IL6ST: variants seen among roughly 807,000 people sequenced by gnomAD.
IL6ST encodes the protein interleukin-6 receptor subunit beta.
Under a neutral mutation model 91.3 loss-of-function variants are expected in IL6ST, and 24 were observed. That is an observed-to-expected ratio of 0.26 (90% CI 0.19 to 0.37). The LOEUF (loss-of-function observed/expected upper bound fraction) is 0.37, where lower values mean the gene tolerates loss of function less well. Ranked by LOEUF, IL6ST falls within the 10% of genes least tolerant of loss-of-function variation. The pLI, the probability that IL6ST is intolerant of heterozygous loss-of-function variation, is 1.00. For synonymous variants in IL6ST, 351 were observed against 373.6 expected (o/e 0.94, Z 0.70); for missense variants, 914 against 1,078.5 (o/e 0.85, Z 2.14).
intron 15 of IL6ST, among the ~76,000 whole-genome samples, chr5:55,947,036 C>A (rs1751307454): frequency 6.6e-6 from 1 of 151,928 alleles, no homozygotes; most frequent in Non-Finnish European, 1.5e-5. Context: ...TACCCCATCT[C>A]TACTAAAAAT....
chr5:55,994,419 C>A (rs1382746375), intron 1 of IL6ST, among the ~76,000 whole-genome samples: 2 of 151,872 alleles, frequency 1.3e-5, no homozygotes, highest in South Asian at 2.1e-4. Context: ...AAGACAAGTG[C>A]GGAGCGAATA....
Position 55,968,353 on chromosome 5 carries a change from C to T in IL6ST, c.414G>A (p.Glu138=), listed in dbSNP as rs144456168. 115 of 1,610,812 alleles carry T rather than the reference C, an allele frequency of 7.1e-5. 1 individual carries two copies. The African/African-American group carries it at 1.4e-3, about 19-fold the overall frequency. ...KPKNLSCIVN[E]GKKMRCEWDG... is the part of the protein sequence containing the mutation. ...CCCACTCACACCTCATTTTCTTCCC[C>T]TCGTTCACAATGCAACTCAAATTTT... The change falls in exon 5 of 17, where the codon GAG becomes GAA. Residue 138 remains glutamate (E), a synonymous_variant. Transcript: ENST00000381298.
intron 1 of IL6ST, among the ~76,000 whole-genome samples, chr5:55,983,152 T>C (rs539797633): frequency 5.3e-5 from 8 of 152,126 alleles, no homozygotes; most frequent in African/African-American, 1.9e-4. Context: ...GATGGCACCA[T>C]CATGCCTAGC....
At position 55,937,187 on chromosome 5, in the gene IL6ST, A is replaced by G. The variant is rs1750586646; in HGVS notation, c.*3895T>C. On this transcript the variant is annotated 3_prime_UTR_variant, in exon 17 of 17. Transcript: ENST00000381298. Reference sequence around the variant, plus strand: ...AGAAATAAAAAAAACATCTATCACTATCGGCCTTAAATGCATCTCATCACA... The same window carrying G: ...AGAAATAAAAAAAACATCTATCACTGTCGGCCTTAAATGCATCTCATCACA... The G allele has an allele frequency of 9.4e-6, 2 of 213,782 alleles. No homozygotes were observed. Among genetic ancestry groups the G allele is most frequent in the Non-Finnish European group, 1.9e-5 (2 of 105,640 alleles). 13.2% of individuals were successfully genotyped at this position (213,782 alleles called of 1,614,324 possible). A position where few individuals can be genotyped will look rare whatever the true frequency, so the allele number is the denominator to read the frequency against.
chr5:55,986,790 C>T (rs6873542), intron 1 of IL6ST, among the ~76,000 whole-genome samples: 36,615 of 152,010 alleles, frequency 0.24, 6,912 homozygotes, highest in African/African-American at 0.53. Context: ...AATATTATGT[C>T]ACCTCAGGCA....
chr5:55,955,626 T>G (rs1182828301), intron 10 of IL6ST, among the ~76,000 whole-genome samples: 2 of 152,238 alleles, frequency 1.3e-5, no homozygotes, highest in Non-Finnish European at 2.9e-5. Context: ...CAGAATATGC[T>G]TAAATGAATG....
At chr5:55,986,584 G>A (rs1292598376) in intron 1 of IL6ST, among the ~76,000 whole-genome samples, 1 of 152,060 alleles carries the variant, frequency 6.6e-6, no homozygotes, top group Admixed American at 6.5e-5. Context: ...ATATGATTAG[G>A]TTTAAAGCTA....
At chr5:55,963,043 A>G (rs1021594111) in intron 7 of IL6ST, among the ~76,000 whole-genome samples, 4 of 151,900 alleles carry the variant, frequency 2.6e-5, no homozygotes, top group Admixed American at 6.6e-5. Flanking sequence ...CGAGTTCAAA[A>G]TTGCAGTGAG....
At position 55,941,037 on chromosome 5, in the gene IL6ST, T is replaced by C; in HGVS notation, c.*45A>G. 1 of 1,514,696 alleles carries C rather than the reference T, an allele frequency of 6.6e-7. No homozygotes were observed. Among genetic ancestry groups the C allele is most frequent in the African/African-American group, 1.4e-5 (1 of 71,670 alleles). The allele number at this position is 1,514,696 out of a possible 1,614,324, so 93.8% of individuals were successfully genotyped here. The stretch of plus-strand genomic sequence containing the variant: ...TTCACAGATAAAATCATTTTAGCTT[T>C]ACTTTATAGGTACTGCTGAAGTTGT... On this transcript the variant is annotated 3_prime_UTR_variant, in exon 17 of 17. Coordinates refer to ENST00000381298, the MANE Select transcript of IL6ST (RefSeq NM_002184.4).
chr5:55,943,798 G>A (rs546085063), intron 15 of IL6ST, among the ~76,000 whole-genome samples: 9 of 152,182 alleles, frequency 5.9e-5, no homozygotes, highest in Admixed American at 3.9e-4. Flanking sequence ...GGCTGGGCGC[G>A]GTGGCTCACA....
In IL6ST at chr5:55,940,901, T is replaced by C. The variant is rs983238719; in HGVS notation, c.*181A>G. 2 of 604,296 alleles carry C rather than the reference T, an allele frequency of 3.3e-6. No homozygotes were observed. Among genetic ancestry groups the C allele is most frequent in the African/African-American group, 1.9e-5 (1 of 53,758 alleles). The allele number at this position is 604,296 out of a possible 1,614,324, so 37.4% of individuals were successfully genotyped here. A position where few individuals can be genotyped will look rare whatever the true frequency, so the allele number is the denominator to read the frequency against. On this transcript the variant is annotated 3_prime_UTR_variant, in exon 17 of 17. Coordinates refer to ENST00000381298, the MANE Select transcript of IL6ST (RefSeq NM_002184.4). Reference sequence around the variant, plus strand: ...AAGTCAGTTTATGTAGTGCTTAAAGTAGAATCCCAGATATTCTGGAATGGA... The same window carrying C: ...AAGTCAGTTTATGTAGTGCTTAAAGCAGAATCCCAGATATTCTGGAATGGA...
Position 55,986,784 on chromosome 5 carries a change from T to C in IL6ST, c.-103-3973A>G, listed in dbSNP as rs754383814. Among the ~76,000 whole-genome samples, 45 of 152,324 alleles carry C rather than the reference T, an allele frequency of 3.0e-4. No individual in the cohort carries two copies. In the Middle Eastern group the frequency reaches 0.01, roughly 35 times the overall value. ...TTTCACAATCTATCTTCAAGTAATA[T>C]TATGTCACCTCAGGCATAGTATATA... On this transcript the variant is annotated intron_variant, in intron 1 of 16. Transcript: ENST00000381298.
intron 5 of IL6ST, among the ~76,000 whole-genome samples, chr5:55,966,056 G>A (rs575391993): frequency 6.6e-6 from 1 of 152,076 alleles, no homozygotes; most frequent in Non-Finnish European, 1.5e-5. Context: ...TGTACTTCAG[G>A]GTAAACCACA....
intron 3 of IL6ST, 65 bp downstream of exon 3, chr5:55,976,147 TATA>T (rs777254672): frequency 2.7e-5 from 17 of 625,218 alleles, no homozygotes; most frequent in Non-Finnish European, 4.4e-5. Flanking sequence ...AGCTTAATTA[TATA>T]ATAATATAAA....
rs764835062 is a variant in IL6ST, at chr5:55,963,373, T to C, written c.792A>G (p.Lys264=). The change falls in exon 7 of 17, where the codon AAA becomes AAG. Residue 264 remains lysine, a synonymous_variant. Coordinates refer to ENST00000381298, the MANE Select transcript of IL6ST (RefSeq NM_002184.4). ...TTACCTGGCTCCAAGTTGAGGCATC[T>C]TTGGTCCTATATTGAATGTTATATT... is the stretch of plus-strand genomic sequence containing the variant. The part of the protein sequence containing the change: ...ILKYNIQYRT[K]DASTWSQIPP... 5.0e-6 allele frequency: 8 copies of C among 1,587,448 alleles called. No homozygotes were observed. The African/African-American group carries it at 8.2e-5, about 16-fold the overall frequency.
At chr5:55,989,950 G>A (rs1754215616) in intron 1 of IL6ST, among the ~76,000 whole-genome samples, 1 of 151,920 alleles carries the variant, frequency 6.6e-6, no homozygotes. Flanking sequence ...AACTCACTTT[G>A]CACTAGGGGG....
At chr5:55,991,083 G>C (rs961090375) in intron 1 of IL6ST, among the ~76,000 whole-genome samples, 1 of 152,020 alleles carries the variant, frequency 6.6e-6, no homozygotes, top group Non-Finnish European at 1.5e-5. Context: ...CCTTTTTTAC[G>C]GCTGCATAGT....
At chr5:55,990,326 A>G (rs966124564) in intron 1 of IL6ST, among the ~76,000 whole-genome samples, 1 of 152,116 alleles carries the variant, frequency 6.6e-6, no homozygotes. Flanking sequence ...TTGACTATAT[A>G]TATCACAAGT....
At chr5:55,946,346 T>C (rs1751249512) in intron 15 of IL6ST, among the ~76,000 whole-genome samples, 1 of 152,260 alleles carries the variant, frequency 6.6e-6, no homozygotes, top group African/African-American at 2.4e-5. Flanking sequence ...CCCAGCACTC[T>C]CACTCCTATT....
Sources: allele counts gnomAD v4.1 joint callset (sites outside exome capture counted in the v4.1 genomes callset), GRCh38; gene constraint gnomAD v4.1.1; transcripts MANE v1.5; gene names NCBI Gene and HGNC (gene_info 2026-07-23, HGNC 2026-07-21).